ZBTB7C: variants seen among roughly 807,000 people sequenced by gnomAD.
The protein encoded by ZBTB7C is zinc finger and BTB domain containing 7C.
ZBTB7C carries 8 observed loss-of-function variants against 25.7 expected under a neutral mutation model. The ratio of observed to expected loss-of-function variants is 0.31; its 90% CI spans 0.18 to 0.56. The LOEUF is 0.56. Among genes scored for constraint, ZBTB7C ranks in the 20% least tolerant of loss-of-function variants. The pLI, the probability that ZBTB7C is intolerant of heterozygous loss-of-function variation, is 0.91. For synonymous variants in ZBTB7C, 394 were observed against 369.0 expected, an observed-to-expected ratio of 1.07 and a Z score of -0.78; for missense variants, 824 against 855.2, an observed-to-expected ratio of 0.96 and a Z score of 0.46.
chr18:48,258,132 A>G (rs547986726), intron 2 of ZBTB7C, among the ~76,000 whole-genome samples: 7 of 152,242 alleles, frequency 4.6e-5, no homozygotes, highest in Non-Finnish European at 5.9e-5. Context: ...ATCATATTTA[A>G]TGATGAACAA....
chr18:48,263,551 G>A (rs192257931), intron 2 of ZBTB7C, among the ~76,000 whole-genome samples: 6 of 152,216 alleles, frequency 3.9e-5, no homozygotes, highest in Non-Finnish European at 5.9e-5. Context: ...CTGGTGTCCC[G>A]AAAATGACCT....
intron 3 of ZBTB7C, chr18:48,150,572 ACT>A (rs1270034167): frequency 7.5e-6 from 1 of 134,024 alleles, no homozygotes; most frequent in African/African-American, 3.0e-5. Flanking sequence ...ACAGAGCGAG[ACT>A]CCATCTCAAA....
At chr18:48,132,477 C>T (rs1182853462) in intron 3 of ZBTB7C, among the ~76,000 whole-genome samples, 1 of 152,120 alleles carries the variant, frequency 6.6e-6, no homozygotes, top group East Asian at 1.9e-4. Flanking sequence ...AATCAAGATA[C>T]TATAAAACTG....
At chr18:48,153,869 C>T (rs192883828) in intron 3 of ZBTB7C, among the ~76,000 whole-genome samples, 2 of 152,312 alleles carry the variant, frequency 1.3e-5, no homozygotes, top group African/African-American at 4.8e-5. Context: ...TCCCTCAGTC[C>T]TTCCCCTCTC....
At chr18:48,103,786 A>G (rs1598883909) in intron 3 of ZBTB7C, among the ~76,000 whole-genome samples, 2 of 152,362 alleles carry the variant, frequency 1.3e-5, no homozygotes, top group South Asian at 4.1e-4. Context: ...CCATGCTACA[A>G]CATGGAGGAA....
chr18:48,144,973 G>A (rs2040456707), intron 3 of ZBTB7C, among the ~76,000 whole-genome samples: 1 of 152,138 alleles, frequency 6.6e-6, no homozygotes, highest in Non-Finnish European at 1.5e-5. Flanking sequence ...TTTTTCAGTA[G>A]AGATTCATTC....
intron 3 of ZBTB7C, among the ~76,000 whole-genome samples, chr18:48,162,126 C>G (rs1428953452): frequency 6.6e-6 from 1 of 152,222 alleles, no homozygotes; most frequent in African/African-American, 2.4e-5. Flanking sequence ...CCAGGCAGGG[C>G]TTCGTGCCAG....
rs761786426 is a variant in ZBTB7C at position 48,063,802 on chromosome 18, A to G, written c.-16-22679T>C. 4.6e-5 allele frequency among the ~76,000 whole-genome samples: 7 copies of G among 152,328 alleles called. No homozygotes were observed. The South Asian group carries it at 1.5e-3, about 32-fold the overall frequency. On this transcript the variant is annotated intron_variant, in intron 3 of 4. Transcript: ENST00000590800. ...ACTAAAGCTTATAGGACTGGAATGT[A>G]AAAGCGTCCATGGTAGAAATCATGC...
chr18:48,386,433 GA>G (rs60989730), intron 1 of ZBTB7C, among the ~76,000 whole-genome samples: 43,724 of 152,110 alleles, frequency 0.29, 7,566 homozygotes, highest in East Asian at 0.72. Context: ...GCTTACCCTA[GA>G]CAGTGAGTGG....
intron 4 of ZBTB7C, among the ~76,000 whole-genome samples, chr18:48,039,493 G>C (rs2036121395): frequency 5.3e-5 from 8 of 152,194 alleles, no homozygotes; most frequent in Admixed American, 2.0e-4. Flanking sequence ...GCTTAATAAA[G>C]GTCAGTGGCT....
At chr18:48,051,390 C>G (rs2036680740) in intron 3 of ZBTB7C, among the ~76,000 whole-genome samples, 1 of 152,142 alleles carries the variant, frequency 6.6e-6, no homozygotes, top group Non-Finnish European at 1.5e-5. Context: ...CTAGAGGACC[C>G]CCTTCGTCTA....
chr18:48,269,234 G>T (rs1322903713), intron 2 of ZBTB7C, among the ~76,000 whole-genome samples: 1 of 152,120 alleles, frequency 6.6e-6, no homozygotes, highest in Admixed American at 6.5e-5. Flanking sequence ...AAAGTGCTGG[G>T]ATTACACATG....
intron 2 of ZBTB7C, among the ~76,000 whole-genome samples, chr18:48,193,704 A>C (rs2042252718): frequency 6.6e-6 from 1 of 152,192 alleles, no homozygotes; most frequent in Non-Finnish European, 1.5e-5. Context: ...CAGCTCCTGC[A>C]GGGAAGGGTG....
At chr18:48,059,475 C>T (rs921567012) in intron 3 of ZBTB7C, among the ~76,000 whole-genome samples, 1 of 152,166 alleles carries the variant, frequency 6.6e-6, no homozygotes, top group Non-Finnish European at 1.5e-5. Context: ...AGACCTACAA[C>T]TCACTGGCAC....
intron 1 of ZBTB7C, among the ~76,000 whole-genome samples, chr18:48,372,003 C>T (rs1009571121): frequency 6.6e-6 from 1 of 152,216 alleles, no homozygotes; most frequent in African/African-American, 2.4e-5. Context: ...CAATAACATC[C>T]ACCAGCGGCT....
chr18:48,206,880 T>C (rs2042587813), intron 2 of ZBTB7C, among the ~76,000 whole-genome samples: 1 of 152,080 alleles, frequency 6.6e-6, no homozygotes, highest in Admixed American at 6.5e-5. Context: ...TTGTCAAAAT[T>C]TAAAACTTCT....
chr18:48,285,307 T>C (rs1328469215), intron 2 of ZBTB7C, among the ~76,000 whole-genome samples: 1 of 152,258 alleles, frequency 6.6e-6, no homozygotes, highest in Non-Finnish European at 1.5e-5. Context: ...TCCCTTATTT[T>C]GAGGCTATGT....
chr18:48,294,170 T>C (rs780437325), intron 2 of ZBTB7C, among the ~76,000 whole-genome samples: 1 of 152,164 alleles, frequency 6.6e-6, no homozygotes, highest in Non-Finnish European at 1.5e-5. Context: ...GAGAGGGGAC[T>C]AGGCAATCAG....
At chr18:48,219,226 C>T (rs902934241) in intron 2 of ZBTB7C, among the ~76,000 whole-genome samples, 50 of 152,150 alleles carry the variant, frequency 3.3e-4, no homozygotes, top group Admixed American at 8.5e-4. Context: ...CACTCCCGAG[C>T]TGCAGTGTCA....
Sources: gnomAD v4.1 joint callset for allele counts (sites outside exome capture counted in the v4.1 genomes callset) on GRCh38, gnomAD v4.1.1 for gene constraint, MANE v1.5 for transcripts, NCBI Gene and HGNC (gene_info 2026-07-23, HGNC 2026-07-21) for gene names.